CCSER1: variants seen among roughly 807,000 people sequenced by gnomAD.
CCSER1 encodes the protein serine-rich coiled-coil domain-containing protein 1.
In CCSER1, 41 loss-of-function variants were observed where a neutral mutation model predicts 82.0. That is an observed-to-expected ratio of 0.50 (90% CI 0.39 to 0.65). CCSER1 has a LOEUF of 0.65. Among genes scored for constraint, CCSER1 ranks in the 30% least tolerant of loss-of-function variants. CCSER1 has a pLI of 0.00. For missense variants in CCSER1, 1,119 were observed against 1,064.2 expected, an observed-to-expected ratio of 1.05 and a Z score of -0.72; for synonymous variants, 414 against 383.9, an observed-to-expected ratio of 1.08 and a Z score of -0.92.
At chr4:91,393,906 A>G (rs146127681) in intron 10 of CCSER1, among the ~76,000 whole-genome samples, 2 of 152,274 alleles carry the variant, frequency 1.3e-5, no homozygotes, top group African/African-American at 4.8e-5. Flanking sequence ...TAGACTGGCT[A>G]GAAACTTGAC....
intron 1 of CCSER1, among the ~76,000 whole-genome samples, chr4:90,303,264 T>C (rs1420470810): frequency 1.3e-5 from 2 of 152,200 alleles, no homozygotes; most frequent in Non-Finnish European, 2.9e-5. Context: ...TTAAAATTGC[T>C]GCCAATGACT....
chr4:91,399,000 T>G (rs1440581343), intron 10 of CCSER1, among the ~76,000 whole-genome samples: 5 of 151,906 alleles, frequency 3.3e-5, no homozygotes, highest in Non-Finnish European at 5.9e-5. Context: ...TAGTAATAGA[T>G]AAAATTTTTG....
At chr4:90,343,782 G>A (rs1741844697) in intron 3 of CCSER1, among the ~76,000 whole-genome samples, 1 of 152,116 alleles carries the variant, frequency 6.6e-6, no homozygotes, top group Admixed American at 6.5e-5. Flanking sequence ...GTATATATAT[G>A]TATGAGGTAC....
chr4:90,952,234 A>T (rs1181816577), intron 9 of CCSER1, among the ~76,000 whole-genome samples: 1 of 152,122 alleles, frequency 6.6e-6, no homozygotes, highest in Non-Finnish European at 1.5e-5. Flanking sequence ...AGGTAAAAAA[A>T]TAATATTTGG....
At chr4:90,952,481 G>A (rs1392781094) in intron 9 of CCSER1, among the ~76,000 whole-genome samples, 1 of 151,920 alleles carries the variant, frequency 6.6e-6, no homozygotes, top group Non-Finnish European at 1.5e-5. Context: ...ATATTGCCAA[G>A]GAGAAACCCT....
At chr4:90,919,679 C>G (rs1340217211) in intron 8 of CCSER1, among the ~76,000 whole-genome samples, 2 of 151,658 alleles carry the variant, frequency 1.3e-5, no homozygotes, top group African/African-American at 4.8e-5. Context: ...TTATTGATTA[C>G]TTTTAATCTC....
intron 7 of CCSER1, among the ~76,000 whole-genome samples, chr4:90,792,449 T>C (rs1755390932): frequency 6.6e-6 from 1 of 152,154 alleles, no homozygotes; most frequent in African/African-American, 2.4e-5. Context: ...CTGCCCAATG[T>C]TATTCACGCT....
intron 1 of CCSER1, among the ~76,000 whole-genome samples, chr4:90,188,557 A>G (rs1735043479): frequency 6.6e-6 from 1 of 151,924 alleles, no homozygotes. Context: ...AGTCTTACAT[A>G]CTAAGTTTTA....
intron 4 of CCSER1, among the ~76,000 whole-genome samples, chr4:90,419,134 G>A (rs1578381728): frequency 6.6e-6 from 1 of 151,968 alleles, no homozygotes. Context: ...AGTTATAATA[G>A]CGTTTCCAAA....
chr4:91,286,916 G>A (rs1021555180), intron 10 of CCSER1, among the ~76,000 whole-genome samples: 1 of 151,762 alleles, frequency 6.6e-6, no homozygotes, highest in Non-Finnish European at 1.5e-5. Flanking sequence ...AATGAAAGGA[G>A]CACCAAATGT....
rs561957576 is a variant in CCSER1 at position 91,325,056 on chromosome 4, G to C, written c.2217+239062G>C. ...AATGCAAAAGGCCATCGGACCTGTG[G>C]GGCAAGGGGCTTGGGGCCCTAAATA... On this transcript the variant is annotated intron_variant, in intron 10 of 10. Transcript: ENST00000509176. 7.4e-6 allele frequency: 3 copies of C among 404,636 alleles called. No individual in the cohort carries two copies. The Admixed American group carries it at 9.2e-5, about 12-fold the overall frequency. 25.1% of individuals were successfully genotyped at this position (404,636 alleles called of 1,614,324 possible).
chr4:90,412,189 T>G (rs4302433), intron 4 of CCSER1, among the ~76,000 whole-genome samples: 8,490 of 151,374 alleles, frequency 0.056, 450 homozygotes, highest in African/African-American at 0.14. Context: ...CTGGAAACCA[T>G]CATTCTCAGG....
chr4:91,426,193 C>T (rs1199892315), intron 10 of CCSER1, among the ~76,000 whole-genome samples: 1 of 152,142 alleles, frequency 6.6e-6, no homozygotes, highest in Non-Finnish European at 1.5e-5. Context: ...TGACTTCATC[C>T]ATGTCCCTGC....
At chr4:91,474,759 ATG>A (rs377008850) in intron 10 of CCSER1, among the ~76,000 whole-genome samples, 17,841 of 69,002 alleles carry the variant, frequency 0.26, 1,264 homozygotes, top group Middle Eastern at 0.39. Context: ...ACACACACAC[ATG>A]TGTGTGTATA....
chr4:90,246,944 T>C (rs1721509222), intron 1 of CCSER1, among the ~76,000 whole-genome samples: 1 of 152,018 alleles, frequency 6.6e-6, no homozygotes, highest in African/African-American at 2.4e-5. Flanking sequence ...CTTTGACATA[T>C]CCAAATGGCC....
intron 8 of CCSER1, among the ~76,000 whole-genome samples, chr4:90,827,105 A>T (rs181623288): frequency 1.3e-5 from 2 of 152,212 alleles, no homozygotes; most frequent in African/African-American, 4.8e-5. Flanking sequence ...CACAGATAGA[A>T]GGCTACTTGA....
At chr4:90,130,391 A>G (rs936397079) in intron 1 of CCSER1, among the ~76,000 whole-genome samples, 3 of 152,212 alleles carry the variant, frequency 2.0e-5, no homozygotes, top group Non-Finnish European at 4.4e-5. Context: ...TTGTTTGAGA[A>G]TGCTTCGGGG....
intron 4 of CCSER1, among the ~76,000 whole-genome samples, chr4:90,431,409 C>T (rs1758258031): frequency 6.6e-6 from 1 of 151,986 alleles, no homozygotes; most frequent in South Asian, 2.1e-4. Flanking sequence ...CCACAAATGC[C>T]TGCCTTTTAT....
chr4:91,090,447 CTG>C (rs1057024600), intron 10 of CCSER1, among the ~76,000 whole-genome samples: 4 of 152,336 alleles, frequency 2.6e-5, no homozygotes, highest in Admixed American at 2.6e-4. Flanking sequence ...CACCATGTAA[CTG>C]TTTTTGTGGT....
Sources: allele counts gnomAD v4.1 joint callset (sites outside exome capture counted in the v4.1 genomes callset), GRCh38; gene constraint gnomAD v4.1.1; transcripts MANE v1.5; gene names NCBI Gene and HGNC (gene_info 2026-07-23, HGNC 2026-07-21).